The following CD84 variants were observed in gnomAD, a reference collection of about 807,000 sequenced individuals.
The protein encoded by CD84 is SLAM family member 5.
Under a neutral mutation model 33.8 loss-of-function variants are expected in CD84, and 22 were observed. The observed-to-expected ratio is 0.65, with a 90% CI of 0.46 to 0.93. CD84 has a LOEUF of 0.93. Among genes scored for constraint, CD84 ranks in the 40% least tolerant of loss-of-function variants. CD84 has a pLI of 0.00. For missense variants in CD84, 400 were observed against 397.6 expected (o/e 1.01, Z -0.05); for synonymous variants, 154 against 145.2 (o/e 1.06, Z -0.44).
At chr1:160,553,654 G>A in intron 3 of CD84, 157 bp from the exon 4 acceptor site, 1 of 1,012,796 alleles carries the variant, frequency 9.9e-7, no homozygotes, top group Non-Finnish European at 1.4e-6. Flanking sequence ...TTAAAAGCCA[G>A]GATGAGAAAT....
chr1:160,563,119 A>C (rs2102173060), intron 2 of CD84, among the ~76,000 whole-genome samples: 1 of 152,342 alleles, frequency 6.6e-6, no homozygotes, highest in East Asian at 1.9e-4. Context: ...GCAGGGAAAA[A>C]GAAATGCTTT....
At chr1:160,553,250 G>T in intron 4 of CD84, 128 bp downstream of exon 4, 2 of 1,427,888 alleles carry the variant, frequency 1.4e-6, no homozygotes, top group Non-Finnish European at 2.0e-6. Flanking sequence ...GGAGGTGGTG[G>T]GGTGGAGATC....
intron 2 of CD84, 62 bp from the exon 3 acceptor site, chr1:160,554,208 G>A: frequency 8.1e-6 from 11 of 1,358,380 alleles, no homozygotes; most frequent in Non-Finnish European, 1.0e-5. Flanking sequence ...GTTTGTGGGA[G>A]CCAATTGTTA....
chr1:160,579,255 T>C, intron 1 of CD84, 137 bp downstream of exon 1: 3 of 1,131,508 alleles, frequency 2.7e-6, no homozygotes, highest in Non-Finnish European at 3.7e-6. Context: ...AGTTGGATCC[T>C]GTTGAGTACA....
intron 1 of CD84, among the ~76,000 whole-genome samples, chr1:160,575,207 G>A (rs1657923111): frequency 6.6e-6 from 1 of 152,056 alleles, no homozygotes; most frequent in Admixed American, 6.6e-5. Flanking sequence ...GCTGAGTATT[G>A]TAGGTCTGGG....
chr1:160,553,359 C>A lies in CD84; in HGVS notation c.760+19G>T. 6.2e-7 allele frequency: 1 copy of A among 1,614,080 alleles called. No homozygotes were observed. Among genetic ancestry groups the A allele is most frequent in the Non-Finnish European group, 8.5e-7 (1 of 1,180,010 alleles). Reference sequence around the variant, plus strand: ...AGAGAAGGTGAGTTTCCACATTTTACCTTCTGGGAAAATCCTACCTTGTCT... The same window carrying A: ...AGAGAAGGTGAGTTTCCACATTTTAACTTCTGGGAAAATCCTACCTTGTCT... On this transcript the variant is annotated intron_variant, in intron 4 of 6. Transcript: ENST00000368054.
chr1:160,558,133 C>T (rs571857593), intron 2 of CD84, among the ~76,000 whole-genome samples: 10 of 152,182 alleles, frequency 6.6e-5, no homozygotes, highest in Non-Finnish European at 1.2e-4. Flanking sequence ...CAAAAAGCAA[C>T]CAGACTGATT....
chr1:160,553,064 C>A, intron 4 of CD84: 1 of 564,048 alleles, frequency 1.8e-6, no homozygotes, highest in Non-Finnish European at 3.2e-6. Context: ...AAACATTTCA[C>A]ATGTGAGGGC....
chr1:160,579,159 C>G (rs1658147552), intron 1 of CD84, among the ~76,000 whole-genome samples: 1 of 152,052 alleles, frequency 6.6e-6, no homozygotes, highest in Non-Finnish European at 1.5e-5. Context: ...ACTGAGATCT[C>G]CAGATCTCAG....
At position 160,546,844 on chromosome 1, in the gene CD84, C is replaced by T. The variant is rs1224620616; in HGVS notation, c.*1412G>A. The T allele has an allele frequency of 3.1e-6, 1 of 323,844 alleles. No homozygotes were observed. The highest frequency in any genetic ancestry group is 5.6e-6 in the Non-Finnish European group (1 of 178,740). 20.1% of individuals were successfully genotyped at this position (323,844 alleles called of 1,614,324 possible). ...ACACAAGAGCAGACATTATGCACATCTTCTACTTTGGGGCCTTGCAGCTCC... is the reference window on the plus strand; with the variant it reads ...ACACAAGAGCAGACATTATGCACATTTTCTACTTTGGGGCCTTGCAGCTCC... On this transcript the variant is annotated 3_prime_UTR_variant, in exon 7 of 7. Coordinates refer to ENST00000368054, the MANE Select transcript of CD84 (RefSeq NM_003874.4).
intron 1 of CD84, among the ~76,000 whole-genome samples, chr1:160,579,108 T>C (rs1486908355): frequency 6.6e-6 from 1 of 152,190 alleles, no homozygotes; most frequent in Non-Finnish European, 1.5e-5. Context: ...GTTTACCAAG[T>C]GCTGATTCCT....
At chr1:160,569,950 G>A (rs771436373) in intron 1 of CD84, among the ~76,000 whole-genome samples, 4 of 152,230 alleles carry the variant, frequency 2.6e-5, no homozygotes, top group African/African-American at 7.2e-5. Flanking sequence ...AGGTTTTTGC[G>A]AGTGAAGATT....
chr1:160,568,096 C>T (rs1657439529), intron 1 of CD84, among the ~76,000 whole-genome samples: 2 of 152,150 alleles, frequency 1.3e-5, no homozygotes, highest in African/African-American at 4.8e-5. Flanking sequence ...ATTGCCACAC[C>T]ACTCTGTGGA....
intron 1 of CD84, 102 bp downstream of exon 1, chr1:160,579,290 C>T: frequency 1.3e-6 from 2 of 1,530,544 alleles, no homozygotes. Flanking sequence ...CCAGGGTGTT[C>T]TGCTAAACAC....
In CD84 at chr1:160,565,759, A is replaced by G; in HGVS notation, c.47-14T>C. On this transcript the variant is annotated splice_polypyrimidine_tract_variant and intron_variant, in intron 1 of 6. Transcript: ENST00000368054. ...CTGCTTCCGGCCCTGAGAACATAAAAAGAAAACTGTAGCCATCTGACTGTT... is the reference window on the plus strand; with the variant it reads ...CTGCTTCCGGCCCTGAGAACATAAAGAGAAAACTGTAGCCATCTGACTGTT... The G allele has an allele frequency of 6.4e-7, 1 of 1,559,308 alleles. No homozygotes were observed. The highest frequency in any genetic ancestry group is 8.7e-7 in the Non-Finnish European group (1 of 1,155,338).
intron 5 of CD84, 155 bp downstream of exon 5, chr1:160,550,783 G>A (rs769736286): frequency 5.3e-5 from 52 of 985,248 alleles, no homozygotes; most frequent in Non-Finnish European, 6.0e-5. Flanking sequence ...AAGATCCGTG[G>A]CATCACTTCC....
intron 6 of CD84, among the ~76,000 whole-genome samples, chr1:160,548,585 A>C (rs181069027): frequency 6.6e-6 from 1 of 152,238 alleles, no homozygotes; most frequent in East Asian, 1.9e-4. Context: ...GCGGGGGCAT[A>C]TTTGGAATGG....
intron 2 of CD84, 46 bp from the exon 3 acceptor site, chr1:160,554,192 G>T (rs1200138223): frequency 3.4e-6 from 5 of 1,463,078 alleles, no homozygotes; most frequent in African/African-American, 1.4e-5. Context: ...GAGCTGGCTT[G>T]TACTAGTTTG....
chr1:160,574,151 C>T lies in CD84; in HGVS notation c.46+5241G>A, dbSNP rs1657862269. On this transcript the variant is annotated intron_variant, in intron 1 of 6. Coordinates refer to ENST00000368054, the MANE Select transcript of CD84 (RefSeq NM_003874.4). ...AAGCTTTTTTTTTTTTTGCAACTGA[C>T]TCAATTAATCTTTTCCAACAATAGA... is the stretch of plus-strand genomic sequence containing the variant. 1.4e-5 allele frequency among the ~76,000 whole-genome samples: 2 copies of T among 147,744 alleles called. 1 individual carries two copies. The highest frequency in any genetic ancestry group is 3.0e-5 in the Non-Finnish European group (2 of 67,050).
Sources: allele counts gnomAD v4.1 joint callset (sites outside exome capture counted in the v4.1 genomes callset), GRCh38; gene constraint gnomAD v4.1.1; transcripts MANE v1.5; gene names NCBI Gene and HGNC (gene_info 2026-07-23, HGNC 2026-07-21).